The following TENT5D variants were observed in gnomAD, a reference collection of about 807,000 sequenced individuals.
TENT5D encodes the protein cancer/testis antigen 112.
For missense variants in TENT5D, 191 were observed against 287.0 expected (o/e 0.67, Z 2.42); for synonymous variants, 103 against 100.6 (o/e 1.02, Z -0.15).
Position 80,344,195 on chromosome X carries a change from G to A in TENT5D, c.-142+1631G>A, listed in dbSNP as rs187531103. On this transcript the variant is annotated intron_variant, in intron 3 of 4. Transcript: ENST00000538312. ...GTACCACATTTTCTTTATCTAGTCC[G>A]CCGTTGATGGGTACCTGAGTTGATT... Among the ~76,000 whole-genome samples the A allele has an allele frequency of 8.8e-4, 97 of 109,943 alleles. 2 individuals are homozygous for A. Among genetic ancestry groups the A allele is most frequent in the African/African-American group, 2.9e-3 (89 of 30,239 alleles).
intron 3 of TENT5D, among the ~76,000 whole-genome samples, chrX:80,394,391 C>CTTTTTTTTTTTTT (rs35632962): frequency 2.7e-5 from 1 of 36,672 alleles, no homozygotes; most frequent in Non-Finnish European, 4.4e-5. Context: ...AGGTCCTTTC[C>CTTTTTTTTTTTTT]TTTTTTTTTT....
At chrX:80,370,036 C>T (rs1424464225) in intron 3 of TENT5D, among the ~76,000 whole-genome samples, 3 of 110,924 alleles carry the variant, frequency 2.7e-5, no homozygotes, top group Admixed American at 9.7e-5. Flanking sequence ...GATCCTTCCA[C>T]CTCAGCCTCC....
intron 3 of TENT5D, among the ~76,000 whole-genome samples, chrX:80,411,738 T>C (rs1931671548): frequency 8.9e-6 from 1 of 112,725 alleles, no homozygotes; most frequent in Non-Finnish European, 1.9e-5. Context: ...TTATTTAGCT[T>C]AATATAACTT....
At chrX:80,423,773 G>A (rs1270171772) in intron 1 of TENT5D, among the ~76,000 whole-genome samples, 1 of 110,820 alleles carries the variant, frequency 9.0e-6, no homozygotes, top group East Asian at 2.8e-4. Flanking sequence ...ATAAGGAGAA[G>A]AGACTATTTC....
intron 3 of TENT5D, among the ~76,000 whole-genome samples, chrX:80,385,141 T>C (rs1477362442): frequency 9.0e-6 from 1 of 111,467 alleles, no homozygotes; most frequent in East Asian, 2.8e-4. Flanking sequence ...AGAACAAAGC[T>C]GGAGGCATCA....
At chrX:80,411,487 T>C (rs1190009654) in intron 3 of TENT5D, among the ~76,000 whole-genome samples, 1 of 112,063 alleles carries the variant, frequency 8.9e-6, no homozygotes, top group Non-Finnish European at 1.9e-5. Context: ...GATTTTTTTC[T>C]CATATAAAAT....
intron 1 of TENT5D, among the ~76,000 whole-genome samples, chrX:80,435,691 T>A (rs919341321): frequency 1.8e-5 from 2 of 112,344 alleles, no homozygotes; most frequent in Admixed American, 1.9e-4. Flanking sequence ...TAAAAGGACC[T>A]TCATAGGTTG....
At chrX:80,360,685 C>T (rs1930389690) in intron 3 of TENT5D, among the ~76,000 whole-genome samples, 1 of 111,586 alleles carries the variant, frequency 9.0e-6, no homozygotes, top group Admixed American at 9.6e-5. Context: ...TAGTCTGTCT[C>T]CAGAGAGGTT....
At chrX:80,379,609 G>A (rs187633606) in intron 3 of TENT5D, among the ~76,000 whole-genome samples, 205 of 111,165 alleles carry the variant, frequency 1.8e-3, no homozygotes, top group Middle Eastern at 4.7e-3. Flanking sequence ...TGGTTGGTAC[G>A]CTATTAATTA....
intron 3 of TENT5D, among the ~76,000 whole-genome samples, chrX:80,365,447 G>C (rs1930488071): frequency 9.0e-6 from 1 of 110,827 alleles, no homozygotes; most frequent in African/African-American, 3.3e-5. Context: ...TTCATGGCTT[G>C]GTGTTTACTT....
intron 3 of TENT5D, among the ~76,000 whole-genome samples, chrX:80,375,131 A>T (rs752388295): frequency 1.5e-3 from 171 of 110,423 alleles, no homozygotes; most frequent in African/African-American, 5.4e-3. Flanking sequence ...TGTAGTTTAA[A>T]TTTTTTTCTT....
chrX:80,343,512 C>T (rs1203389442), intron 3 of TENT5D, among the ~76,000 whole-genome samples: 2 of 108,466 alleles, frequency 1.8e-5, no homozygotes, highest in Non-Finnish European at 3.8e-5. Flanking sequence ...ATTCTCCTGC[C>T]TCAACCTCCC....
At chrX:80,391,889 C>T (rs1494483) in intron 3 of TENT5D, among the ~76,000 whole-genome samples, 10,912 of 112,310 alleles carry the variant, frequency 0.097, 530 homozygotes, top group African/African-American at 0.18. Context: ...CACATTCACT[C>T]TTAAAGCAAC....
chrX:80,339,418 T>C (rs1183341852), intron 2 of TENT5D, among the ~76,000 whole-genome samples: 1 of 111,435 alleles, frequency 9.0e-6, no homozygotes, highest in Non-Finnish European at 1.9e-5. Context: ...TTTTTCCCCC[T>C]GGGCAAGCAG....
intron 3 of TENT5D, among the ~76,000 whole-genome samples, chrX:80,360,098 G>A (rs1439439676): frequency 8.9e-6 from 1 of 111,837 alleles, no homozygotes; most frequent in Non-Finnish European, 1.9e-5. Context: ...TGAGAAATCA[G>A]TTTATAGCTT....
At chrX:80,411,601 CTT>C (rs1201412052) in intron 3 of TENT5D, among the ~76,000 whole-genome samples, 1 of 111,305 alleles carries the variant, frequency 9.0e-6, no homozygotes, top group Non-Finnish European at 1.9e-5. Flanking sequence ...TTTAAAATAA[CTT>C]TTAAATAACC....
intron 2 of TENT5D, among the ~76,000 whole-genome samples, chrX:80,339,369 G>A (rs959526127): frequency 1.8e-5 from 2 of 111,144 alleles, no homozygotes; most frequent in African/African-American, 3.3e-5. Context: ...GAGAGAGGTC[G>A]AAACTGAGGG....
At chrX:80,393,288 T>G (rs903967438) in intron 3 of TENT5D, among the ~76,000 whole-genome samples, 2 of 111,403 alleles carry the variant, frequency 1.8e-5, no homozygotes, top group African/African-American at 6.5e-5. Context: ...CCAATCACAT[T>G]CATATTAAAC....
chrX:80,380,115 T>A (rs906345321), intron 3 of TENT5D, among the ~76,000 whole-genome samples: 20 of 108,957 alleles, frequency 1.8e-4, no homozygotes, highest in African/African-American at 6.7e-4. Context: ...AATTTCCCTC[T>A]ACACAGTGCT....
Sources: gnomAD v4.1 joint callset for allele counts (sites outside exome capture counted in the v4.1 genomes callset) on GRCh38, gnomAD v4.1.1 for gene constraint, MANE v1.5 for transcripts, NCBI Gene and HGNC (gene_info 2026-07-23, HGNC 2026-07-21) for gene names.